The following KCNH1 variants were observed in gnomAD, a reference collection of about 807,000 sequenced individuals.
The protein encoded by KCNH1 is voltage-gated delayed rectifier potassium channel KCNH1.
In KCNH1, 27 loss-of-function variants were observed where a neutral mutation model predicts 69.2. The ratio of observed to expected loss-of-function variants is 0.39; its 90% CI spans 0.29 to 0.54. The LOEUF is 0.54. Among genes scored for constraint, KCNH1 ranks in the 20% least tolerant of loss-of-function variants. The pLI, the probability that KCNH1 is intolerant of heterozygous loss-of-function variation, is 0.68. For synonymous variants in KCNH1, 456 were observed against 487.7 expected, an observed-to-expected ratio of 0.93 and a Z score of 0.86; for missense variants, 798 against 1,261.6, an observed-to-expected ratio of 0.63 and a Z score of 5.57.
intron 7 of KCNH1, among the ~76,000 whole-genome samples, chr1:210,878,508 G>A (rs1686429602): frequency 6.6e-6 from 1 of 152,052 alleles, no homozygotes; most frequent in South Asian, 2.1e-4. Context: ...GGAAAATCTT[G>A]AAATACTTGG....
intron 7 of KCNH1, among the ~76,000 whole-genome samples, chr1:210,811,491 A>G (rs1231533019): frequency 6.6e-6 from 1 of 152,028 alleles, no homozygotes; most frequent in Non-Finnish European, 1.5e-5. Flanking sequence ...CAGCTTTCAA[A>G]TTTGTGTTAC....
At chr1:211,131,340 G>T (rs1156251649) in intron 1 of KCNH1, among the ~76,000 whole-genome samples, 1 of 152,168 alleles carries the variant, frequency 6.6e-6, no homozygotes. Context: ...AAAAGCTGGA[G>T]AAATTATAAT....
At chr1:211,095,885 C>T (rs1344326871) in intron 3 of KCNH1, among the ~76,000 whole-genome samples, 1 of 152,106 alleles carries the variant, frequency 6.6e-6, no homozygotes, top group African/African-American at 2.4e-5. Context: ...AGTCCCAAGC[C>T]CTGAGTTTGA....
chr1:210,721,995 C>T (rs1031546996), intron 10 of KCNH1, among the ~76,000 whole-genome samples: 3 of 152,138 alleles, frequency 2.0e-5, no homozygotes, highest in African/African-American at 7.2e-5. Flanking sequence ...CACCCTGCCA[C>T]TTCCCTCCAC....
intron 6 of KCNH1, among the ~76,000 whole-genome samples, chr1:210,959,307 C>G (rs1211797272): frequency 6.6e-6 from 1 of 152,112 alleles, no homozygotes; most frequent in Non-Finnish European, 1.5e-5. Flanking sequence ...CAGAGGGGCA[C>G]CCGCCTATAT....
rs77326885 is a variant in KCNH1 at position 210,873,765 on chromosome 1, T to C, written c.1462+45875A>G. Among the ~76,000 whole-genome samples the C allele has an allele frequency of 6.0e-3, 914 of 152,182 alleles. 14 individuals carry two copies. Among genetic ancestry groups the C allele is most frequent in the East Asian group, 0.035 (182 of 5,186 alleles). On this transcript the variant is annotated intron_variant, in intron 7 of 10. Coordinates refer to ENST00000271751, the MANE Select transcript of KCNH1 (RefSeq NM_172362.3). ...GAGAAATTACTCCAGATACAGTCAA[T>C]AGTAAATAATCATAGGGAGATTTAT...
At chr1:210,711,799 C>T (rs1377320187) in intron 10 of KCNH1, among the ~76,000 whole-genome samples, 1 of 152,204 alleles carries the variant, frequency 6.6e-6, no homozygotes, top group African/African-American at 2.4e-5. Context: ...ATCCCTGGGG[C>T]CTGCACACAG....
At chr1:210,872,977 T>C (rs1317885146) in intron 7 of KCNH1, among the ~76,000 whole-genome samples, 1 of 152,234 alleles carries the variant, frequency 6.6e-6, no homozygotes, top group Non-Finnish European at 1.5e-5. Context: ...AAGTTACCAA[T>C]CACCTGTGAG....
intron 5 of KCNH1, among the ~76,000 whole-genome samples, chr1:211,043,966 CA>C (rs1302126582): frequency 6.6e-6 from 1 of 152,138 alleles, no homozygotes; most frequent in Non-Finnish European, 1.5e-5. Context: ...CCATCTATGA[CA>C]AACCCACAGC....
intron 7 of KCNH1, among the ~76,000 whole-genome samples, chr1:210,878,892 A>G (rs1275946011): frequency 6.6e-6 from 1 of 152,082 alleles, no homozygotes; most frequent in African/African-American, 2.4e-5. Flanking sequence ...ATCCAGGCTA[A>G]TTCTAAAAAG....
chr1:210,935,120 T>TCACA lies in KCNH1; in HGVS notation c.1033-15055_1033-15052dup, dbSNP rs10588037. ...AACAGATAAATGGGCAAAGAAAATG[T>TCACA]CACACACACACACACACACACACAC... On this transcript the variant is annotated intron_variant, in intron 6 of 10. Transcript: ENST00000271751. Among the ~76,000 whole-genome samples the TCACA allele has an allele frequency of 1.9e-3, 247 of 129,226 alleles. 1 individual carries two copies. Among genetic ancestry groups the TCACA allele is most frequent in the Admixed American group, 5.2e-3 (66 of 12,766 alleles). 84.8% of individuals were successfully genotyped at this position (129,226 alleles called of 152,430 possible).
intron 7 of KCNH1, among the ~76,000 whole-genome samples, chr1:210,871,787 T>C (rs1686253917): frequency 6.7e-6 from 1 of 149,800 alleles, no homozygotes; most frequent in Admixed American, 6.7e-5. Context: ...TCATTCTCAG[T>C]AAACTATCGC....
intron 7 of KCNH1, among the ~76,000 whole-genome samples, chr1:210,828,588 C>T (rs943479104): frequency 3.3e-5 from 5 of 152,102 alleles, no homozygotes; most frequent in African/African-American, 1.2e-4. Flanking sequence ...CTGTACAAGC[C>T]CTGACAGACC....
chr1:210,985,389 G>A (rs1210305437), intron 6 of KCNH1, among the ~76,000 whole-genome samples: 2 of 151,964 alleles, frequency 1.3e-5, no homozygotes, highest in Admixed American at 6.6e-5. Context: ...TGTCAATTTT[G>A]GATCTTTCCT....
intron 6 of KCNH1, among the ~76,000 whole-genome samples, chr1:210,936,652 C>G (rs1232951280): frequency 6.6e-6 from 1 of 152,218 alleles, no homozygotes; most frequent in South Asian, 2.1e-4. Context: ...ATACCAATTT[C>G]TTGGCCCCTC....
chr1:210,872,879 G>A (rs567317827), intron 7 of KCNH1, among the ~76,000 whole-genome samples: 80 of 152,244 alleles, frequency 5.3e-4, no homozygotes, highest in African/African-American at 1.9e-3. Context: ...ACCATATCAC[G>A]TGGTTTTTCA....
Position 210,682,992 on chromosome 1 carries a change from A to C in KCNH1, c.*289T>G, listed in dbSNP as rs538535166. 4 of 367,028 alleles carry C rather than the reference A, an allele frequency of 1.1e-5. No homozygotes were observed. The highest frequency in any genetic ancestry group is 4.1e-5 in the African/African-American group (2 of 48,344). The allele number at this position is 367,028 out of a possible 1,614,324, so 22.7% of individuals were successfully genotyped here. ...TTTAATCTTTTACAAATATCATGGT[A>C]GTAAAAAATTAAAAATGAAGGAAAA... On this transcript the variant is annotated 3_prime_UTR_variant, in exon 11 of 11. Coordinates refer to ENST00000271751, the MANE Select transcript of KCNH1 (RefSeq NM_172362.3).
At chr1:210,860,954 G>A in intron 7 of KCNH1, 1 of 965,682 alleles carries the variant, frequency 1.0e-6, no homozygotes, top group Non-Finnish European at 1.7e-6. Flanking sequence ...TTCTTCAGAA[G>A]TGTTTCAGCT....
At chr1:210,838,699 G>A (rs1204514974) in intron 7 of KCNH1, among the ~76,000 whole-genome samples, 3 of 152,048 alleles carry the variant, frequency 2.0e-5, no homozygotes, top group African/African-American at 7.2e-5. Flanking sequence ...GCATCTATAA[G>A]AAACTTAAAC....
Sources: gnomAD v4.1 joint callset for allele counts (sites outside exome capture counted in the v4.1 genomes callset) on GRCh38, gnomAD v4.1.1 for gene constraint, MANE v1.5 for transcripts, NCBI Gene and HGNC (gene_info 2026-07-23, HGNC 2026-07-21) for gene names.